Variants in RORA observed in about 807,000 individuals in gnomAD.
RORA encodes the protein RAR related orphan receptor A, also known as nuclear receptor ROR-alpha.
Under a neutral mutation model 69.5 loss-of-function variants are expected in RORA, and 7 were observed. The observed-to-expected ratio is 0.10, with a 90% CI of 0.06 to 0.19. The LOEUF is 0.19. Ranked by LOEUF, RORA falls within the 10% of genes least tolerant of loss-of-function variation. The pLI, the probability that RORA is intolerant of heterozygous loss-of-function variation, is 1.00. For missense variants in RORA, 457 were observed against 663.0 expected, an observed-to-expected ratio of 0.69 and a Z score of 3.41; for synonymous variants, 261 against 240.8, an observed-to-expected ratio of 1.08 and a Z score of -0.78.
intron 1 of RORA, among the ~76,000 whole-genome samples, chr15:60,985,196 T>C (rs999830705): frequency 1.1e-4 from 16 of 152,362 alleles, no homozygotes; most frequent in African/African-American, 3.8e-4. Context: ...AGAATCTTTT[T>C]CTATTATGAT....
At chr15:61,004,966 G>A (rs1894868503) in intron 1 of RORA, among the ~76,000 whole-genome samples, 1 of 152,220 alleles carries the variant, frequency 6.6e-6, no homozygotes, top group Non-Finnish European at 1.5e-5. Context: ...ATAGAAATGA[G>A]TAGTCTTTCT....
chr15:60,738,727 C>G (rs933915366), intron 1 of RORA, among the ~76,000 whole-genome samples: 28 of 152,180 alleles, frequency 1.8e-4, no homozygotes, highest in Non-Finnish European at 2.6e-4. Context: ...ACTGCTGGAA[C>G]AAAGTTCCAC....
intron 2 of RORA, among the ~76,000 whole-genome samples, chr15:60,671,053 C>T: frequency 9.1e-6 from 1 of 109,562 alleles, no homozygotes. Context: ...CTTATATCTC[C>T]TATATATCCC....
chr15:60,542,399 A>C (rs551587683), intron 2 of RORA, among the ~76,000 whole-genome samples: 3 of 151,792 alleles, frequency 2.0e-5, no homozygotes, highest in Admixed American at 2.0e-4. Flanking sequence ...TACACTACAC[A>C]CATATACCAT....
intron 2 of RORA, among the ~76,000 whole-genome samples, chr15:60,598,163 C>A (rs1445801278): frequency 6.6e-6 from 1 of 152,188 alleles, no homozygotes. Context: ...ACAAGTGGAA[C>A]TGCCATCACC....
intron 1 of RORA, among the ~76,000 whole-genome samples, chr15:60,818,386 T>A (rs773194404): frequency 7.2e-5 from 11 of 152,198 alleles, no homozygotes; most frequent in Non-Finnish European, 1.6e-4. Context: ...TATGATTTCC[T>A]TTTATTCCTC....
chr15:60,565,615 C>A (rs2067692323), intron 2 of RORA, among the ~76,000 whole-genome samples: 1 of 152,172 alleles, frequency 6.6e-6, no homozygotes, highest in Non-Finnish European at 1.5e-5. Flanking sequence ...ATGGAATAGG[C>A]AGCAGGCAAC....
chr15:60,882,097 C>T (rs1024161883), intron 1 of RORA, among the ~76,000 whole-genome samples: 1 of 152,168 alleles, frequency 6.6e-6, no homozygotes, highest in African/African-American at 2.4e-5. Context: ...TTGATTTGCC[C>T]CACTGTTCTG....
intron 1 of RORA, among the ~76,000 whole-genome samples, chr15:60,680,207 A>T (rs915629702): frequency 6.6e-6 from 1 of 152,216 alleles, no homozygotes; most frequent in East Asian, 1.9e-4. Context: ...ATATATGTGT[A>T]TTTTCCTTAG....
intron 2 of RORA, among the ~76,000 whole-genome samples, chr15:60,631,535 C>T (rs1316273555): frequency 1.3e-5 from 2 of 152,198 alleles, no homozygotes; most frequent in African/African-American, 2.4e-5. Context: ...GCAAATATTA[C>T]CGGAGAGGTT....
intron 1 of RORA, among the ~76,000 whole-genome samples, chr15:60,814,789 C>G (rs2072787469): frequency 6.6e-6 from 1 of 152,156 alleles, no homozygotes; most frequent in Non-Finnish European, 1.5e-5. Context: ...CATTACCTAT[C>G]AGCTTCTCTC....
chr15:60,543,709 C>T (rs1301522082), intron 2 of RORA, among the ~76,000 whole-genome samples: 5 of 151,976 alleles, frequency 3.3e-5, no homozygotes, highest in East Asian at 1.9e-4. Context: ...CTTGAACTCC[C>T]GGACTCAAGT....
chr15:60,510,327 C>G (rs2065654346), intron 5 of RORA: 1 of 152,170 alleles, frequency 6.6e-6, no homozygotes, highest in South Asian at 2.1e-4. Context: ...ACTTAAAAAT[C>G]GATTAAATAT....
intron 1 of RORA, among the ~76,000 whole-genome samples, chr15:60,845,648 A>G (rs2073255920): frequency 6.6e-6 from 1 of 152,214 alleles, no homozygotes; most frequent in African/African-American, 2.4e-5. Context: ...AATTGGGACT[A>G]ACAGAACCCA....
At chr15:60,913,182 T>C (rs1891778066) in intron 1 of RORA, among the ~76,000 whole-genome samples, 1 of 152,178 alleles carries the variant, frequency 6.6e-6, no homozygotes, top group Admixed American at 6.5e-5. Flanking sequence ...GATTATGTGC[T>C]GGGATTCAGG....
chr15:60,706,534 C>G (rs2071065390), intron 1 of RORA, among the ~76,000 whole-genome samples: 1 of 152,146 alleles, frequency 6.6e-6, no homozygotes, highest in South Asian at 2.1e-4. Flanking sequence ...AGGAGATACA[C>G]TACAAGTCTA....
At chr15:61,224,002 T>C (rs1219765215) in intron 1 of RORA, among the ~76,000 whole-genome samples, 1 of 59,796 alleles carries the variant, frequency 1.7e-5, no homozygotes, top group Non-Finnish European at 3.5e-5. Flanking sequence ...GTGAATTAGA[T>C]ATCAAAAAAA....
At chr15:61,042,057 G>C (rs1232189329) in intron 1 of RORA, among the ~76,000 whole-genome samples, 2 of 152,122 alleles carry the variant, frequency 1.3e-5, no homozygotes, top group African/African-American at 4.8e-5. Context: ...ACCACACTCA[G>C]CCATTCTCTA....
chr15:60,781,001 A>G (rs2072244833), intron 1 of RORA, among the ~76,000 whole-genome samples: 2 of 152,192 alleles, frequency 1.3e-5, no homozygotes, highest in Non-Finnish European at 2.9e-5. Flanking sequence ...TATTATCCCC[A>G]TTTCACAGAT....
Sources: allele counts gnomAD v4.1 joint callset (sites outside exome capture counted in the v4.1 genomes callset), GRCh38; gene constraint gnomAD v4.1.1; transcripts MANE v1.5; gene names NCBI Gene and HGNC (gene_info 2026-07-23, HGNC 2026-07-21).